The following ADARB2 variants were observed in gnomAD, a reference collection of about 807,000 sequenced individuals.
The protein encoded by ADARB2 is inactive double-stranded RNA-specific editase B2.
A neutral mutation model predicts 62.2 loss-of-function variants in ADARB2; 25 were observed. That is an observed-to-expected ratio of 0.40 (90% CI 0.29 to 0.56). The LOEUF (loss-of-function observed/expected upper bound fraction) is 0.56, where lower values mean the gene tolerates loss of function less well. Ranked by LOEUF, ADARB2 falls within the 20% of genes least tolerant of loss-of-function variation. The probability of loss-of-function intolerance (pLI) is 0.43; values close to 1 mark genes in which losing one functional copy is unlikely to be tolerated. For synonymous variants in ADARB2, 572 were observed against 500.8 expected (o/e 1.14, Z -1.90); for missense variants, 1,071 against 1,077.4 (o/e 0.99, Z 0.08).
chr10:1,478,761 T>C (rs2676750), intron 1 of ADARB2, among the ~76,000 whole-genome samples: 89,007 of 142,306 alleles, frequency 0.63, 27,417 homozygotes, highest in South Asian at 0.79. Flanking sequence ...GACCCTCGGA[T>C]GGGAGAGCGC....
intron 1 of ADARB2, among the ~76,000 whole-genome samples, chr10:1,439,305 T>C (rs1830872380): frequency 7.4e-6 from 1 of 135,488 alleles, no homozygotes; most frequent in East Asian, 2.3e-4. Context: ...ACTATGGGGC[T>C]TCTGAGTCTC....
chr10:1,299,485 G>T (rs1831554077), intron 3 of ADARB2, among the ~76,000 whole-genome samples: 1 of 152,202 alleles, frequency 6.6e-6, no homozygotes, highest in South Asian at 2.1e-4. Flanking sequence ...GTGATTTTAA[G>T]TGTGCAGCCC....
chr10:1,585,676 C>A (rs1476792853), intron 1 of ADARB2, among the ~76,000 whole-genome samples: 2 of 152,212 alleles, frequency 1.3e-5, no homozygotes, highest in African/African-American at 4.8e-5. Context: ...CCTTTCTAGA[C>A]CAACTGATGT....
intron 3 of ADARB2, among the ~76,000 whole-genome samples, chr10:1,293,335 CAGAGAGGGAGAAAGAGA>C (rs1295413377): frequency 1.6e-5 from 2 of 122,042 alleles, no homozygotes; most frequent in Non-Finnish European, 1.8e-5. Flanking sequence ...GGGAAGAGGG[CAGAGAGGGAGAAAGAGA>C]AGGGAGGGAG....
intron 6 of ADARB2, among the ~76,000 whole-genome samples, chr10:1,218,460 T>A (rs546889618): frequency 6.6e-6 from 1 of 152,374 alleles, no homozygotes; most frequent in South Asian, 2.1e-4. Flanking sequence ...TACATACATA[T>A]GATAACGTAA....
intron 1 of ADARB2, among the ~76,000 whole-genome samples, chr10:1,606,244 C>T (rs10794768): frequency 0.26 from 38,762 of 151,960 alleles, 4,946 homozygotes; most frequent in South Asian, 0.32. Flanking sequence ...CACTAGTTCT[C>T]GAAGTTCTCC....
intron 1 of ADARB2, among the ~76,000 whole-genome samples, chr10:1,670,624 C>G (rs974787168): frequency 2.5e-4 from 38 of 152,238 alleles, no homozygotes; most frequent in African/African-American, 9.2e-4. Context: ...CTGGAAGGAA[C>G]CTGGTGCCTG....
chr10:1,349,803 C>G (rs11592200), intron 3 of ADARB2, among the ~76,000 whole-genome samples: 2 of 151,858 alleles, frequency 1.3e-5, no homozygotes, highest in Non-Finnish European at 2.9e-5. Context: ...GGGGACGCCT[C>G]TCTGATTATT....
intron 4 of ADARB2, among the ~76,000 whole-genome samples, chr10:1,269,140 C>T (rs1831235511): frequency 6.6e-6 from 1 of 151,364 alleles, no homozygotes; most frequent in Admixed American, 6.6e-5. Context: ...TTCCTCCTTT[C>T]CTTTTCATAC....
At chr10:1,571,738 ATGGACAGGTGAGTGTGCAGGTGAG>A (rs1832937401) in intron 1 of ADARB2, among the ~76,000 whole-genome samples, 1 of 121,728 alleles carries the variant, frequency 8.2e-6, no homozygotes, top group South Asian at 2.8e-4. Context: ...GTGCAGGTGA[ATGGACAGGTGAGTGTGCAGGTGAG>A]TGGACAGGTG....
chr10:1,430,137 T>TCTATGCTTTAC (rs1830765220), intron 1 of ADARB2, among the ~76,000 whole-genome samples: 1 of 152,228 alleles, frequency 6.6e-6, no homozygotes, highest in Admixed American at 6.5e-5. Context: ...AAGTGAACTT[T>TCTATGCTTTAC]CTATGCTTTA....
At chr10:1,624,511 T>A (rs999891937) in intron 1 of ADARB2, among the ~76,000 whole-genome samples, 8 of 152,214 alleles carry the variant, frequency 5.3e-5, no homozygotes, top group African/African-American at 1.9e-4. Context: ...GATGCTACTG[T>A]CATTTCCTGC....
At chr10:1,550,768 G>A (rs1250377479) in intron 1 of ADARB2, among the ~76,000 whole-genome samples, 1 of 151,988 alleles carries the variant, frequency 6.6e-6, no homozygotes, top group African/African-American at 2.4e-5. Flanking sequence ...CCACAACCCC[G>A]AGTGCTTAGT....
At chr10:1,589,043 C>G (rs980254404) in intron 1 of ADARB2, among the ~76,000 whole-genome samples, 2 of 152,226 alleles carry the variant, frequency 1.3e-5, no homozygotes, top group Non-Finnish European at 2.9e-5. Context: ...TCTTTGTCTT[C>G]TTGTGTACCC....
chr10:1,616,042 C>T (rs1833627996), intron 1 of ADARB2, among the ~76,000 whole-genome samples: 1 of 152,232 alleles, frequency 6.6e-6, no homozygotes, highest in Non-Finnish European at 1.5e-5. Context: ...ATCCATTTTA[C>T]AATGCTGGTG....
At chr10:1,395,915 C>T (rs1832608889) in intron 1 of ADARB2, among the ~76,000 whole-genome samples, 1 of 152,234 alleles carries the variant, frequency 6.6e-6, no homozygotes, top group Non-Finnish European at 1.5e-5. Flanking sequence ...TACTGAGCTT[C>T]TTTGAATCTG....
At chr10:1,671,744 A>G (rs923813146) in intron 1 of ADARB2, among the ~76,000 whole-genome samples, 6 of 152,014 alleles carry the variant, frequency 3.9e-5, no homozygotes, top group Non-Finnish European at 8.8e-5. Flanking sequence ...GTAACCTGCA[A>G]TAAGAGACGC....
intron 1 of ADARB2, among the ~76,000 whole-genome samples, chr10:1,711,713 C>T (rs1330361790): frequency 6.6e-6 from 1 of 152,176 alleles, no homozygotes; most frequent in East Asian, 1.9e-4. Context: ...GCTCTCGAGG[C>T]TAAAGATTTA....
intron 1 of ADARB2, among the ~76,000 whole-genome samples, chr10:1,644,994 C>T (rs537708477): frequency 1.3e-5 from 2 of 152,314 alleles, no homozygotes; most frequent in South Asian, 4.1e-4. Flanking sequence ...CTGTAGAATG[C>T]CAGCGTTTGG....
Sources: allele counts gnomAD v4.1 joint callset (sites outside exome capture counted in the v4.1 genomes callset), GRCh38; gene constraint gnomAD v4.1.1; transcripts MANE v1.5; gene names NCBI Gene and HGNC (gene_info 2026-07-23, HGNC 2026-07-21).